The following LRRIQ1 variants were observed in gnomAD, a reference collection of about 807,000 sequenced individuals.
LRRIQ1 encodes the protein leucine-rich repeat- and IQ domain-containing protein 1.
LRRIQ1 carries 210 observed loss-of-function variants against 211.9 expected under a neutral mutation model. That is an observed-to-expected ratio of 0.99 (90% CI 0.89 to 1.11). LRRIQ1 has a LOEUF of 1.11. Among genes scored for constraint, LRRIQ1 ranks in the 50% most tolerant of loss-of-function variants. The pLI is 0.00. For synonymous variants in LRRIQ1, 699 were observed against 650.1 expected (o/e 1.08, Z -1.14); for missense variants, 2,136 against 1,939.5 (o/e 1.10, Z -1.90).
In LRRIQ1 at chr12:85,124,350, T is replaced by A; in HGVS notation, c.3838T>A (p.Ser1280Thr). The change falls in exon 17 of 27, where the codon TCC (serine) becomes ACC (threonine). Residue 1280 changes from serine to threonine, a missense_variant. Coordinates refer to ENST00000393217, the MANE Select transcript of LRRIQ1 (RefSeq NM_001079910.2). The stretch of plus-strand genomic sequence containing the variant: ...CTCCAGCCACTCCCCATTAAGCAAA[T>A]CCGCCACATGTGAAAATATGGAAGG... ...SVSSHSPLSKSATCENMEGRH... is the reference protein window; with the variant it reads ...SVSSHSPLSKTATCENMEGRH... 2 of 1,613,922 alleles carry A rather than the reference T, an allele frequency of 1.2e-6. No individual in the cohort carries two copies. Among genetic ancestry groups the A allele is most frequent in the Non-Finnish European group, 1.7e-6 (2 of 1,179,998 alleles).
At chr12:85,217,508 ATGTGTGTGTGTGTGTGTGTG>A (rs370971727) in intron 24 of LRRIQ1, among the ~76,000 whole-genome samples, 7 of 64,256 alleles carry the variant, frequency 1.1e-4, no homozygotes, top group African/African-American at 4.7e-4. Context: ...ATATATATAT[ATGTGTGTGTGTGTGTGTGTG>A]TGTGTGTGTG....
rs545665838 is a variant in LRRIQ1 at position 85,060,901 on chromosome 12, T to G, written c.2391+3717T>G. On this transcript the variant is annotated intron_variant, in intron 8 of 26. Coordinates refer to ENST00000393217, the MANE Select transcript of LRRIQ1 (RefSeq NM_001079910.2). ...TTAGGGAATTTTATCTACAATGGGC[T>G]GTAAAGGATTTGGGAAAATACAGAT... 2.4e-3 allele frequency among the ~76,000 whole-genome samples: 360 copies of G among 151,994 alleles called. 2 individuals carry two copies. Among genetic ancestry groups the G allele is most frequent in the African/African-American group, 8.0e-3 (333 of 41,530 alleles).
chr12:85,060,346 A>G (rs1370404024), intron 8 of LRRIQ1, among the ~76,000 whole-genome samples: 1 of 152,012 alleles, frequency 6.6e-6, no homozygotes, highest in Non-Finnish European at 1.5e-5. Flanking sequence ...ATTATGGGTA[A>G]TGAATATATT....
intron 24 of LRRIQ1, among the ~76,000 whole-genome samples, chr12:85,210,752 T>C (rs894099373): frequency 3.3e-5 from 5 of 149,972 alleles, no homozygotes; most frequent in African/African-American, 1.3e-4. Flanking sequence ...TACTGCCCTT[T>C]AGTTTCAGAC....
At chr12:85,266,361 G>A (rs1896419810), downstream of LRRIQ1, among the ~76,000 whole-genome samples, 1 of 152,076 alleles carries the variant, frequency 6.6e-6, no homozygotes. Context: ...AGAGCCAACA[G>A]CAGTCGCGTA....
At chr12:85,251,320 C>T (rs1895937212) in intron 1 of LRRIQ1, among the ~76,000 whole-genome samples, 2 of 151,522 alleles carry the variant, frequency 1.3e-5, no homozygotes, top group African/African-American at 4.8e-5. Flanking sequence ...CTGGCAATAG[C>T]CTATAAGATT....
At chr12:85,164,467 A>G (rs1891053608) in intron 24 of LRRIQ1, among the ~76,000 whole-genome samples, 1 of 152,204 alleles carries the variant, frequency 6.6e-6, no homozygotes, top group South Asian at 2.1e-4. Context: ...TATTTGTGAG[A>G]ATCTTGGAAC....
intron 8 of LRRIQ1, among the ~76,000 whole-genome samples, chr12:85,061,259 G>A (rs924263197): frequency 2.0e-5 from 3 of 151,642 alleles, no homozygotes; most frequent in Non-Finnish European, 4.4e-5. Flanking sequence ...TAATTTCGAA[G>A]CATAAAGTGG....
intron 24 of LRRIQ1, among the ~76,000 whole-genome samples, chr12:85,221,251 G>T (rs535375124): frequency 6.6e-6 from 1 of 152,146 alleles, no homozygotes; most frequent in East Asian, 1.9e-4. Context: ...GCACAGATTT[G>T]TCCACATGCT....
intron 24 of LRRIQ1, among the ~76,000 whole-genome samples, chr12:85,197,560 C>T (rs1356797219): frequency 6.6e-6 from 1 of 150,966 alleles, no homozygotes; most frequent in East Asian, 1.9e-4. Flanking sequence ...TCATCATTCT[C>T]AGTAAACTAT....
intron 24 of LRRIQ1, among the ~76,000 whole-genome samples, chr12:85,208,974 T>C (rs889503702): frequency 1.3e-5 from 2 of 152,154 alleles, no homozygotes; most frequent in Non-Finnish European, 2.9e-5. Context: ...TTTGAACACA[T>C]AGAGCACTCA....
chr12:85,157,246 G>A (rs1280171426), intron 23 of LRRIQ1, among the ~76,000 whole-genome samples: 1 of 151,830 alleles, frequency 6.6e-6, no homozygotes, highest in African/African-American at 2.4e-5. Context: ...TAGTATCGAT[G>A]ACTTCTATTG....
intron 8 of LRRIQ1, among the ~76,000 whole-genome samples, chr12:85,063,374 A>G (rs542042533): frequency 6.6e-6 from 1 of 151,870 alleles, no homozygotes; most frequent in South Asian, 2.1e-4. Context: ...ACAAAAGCTA[A>G]TGATTTTATT....
At chr12:85,055,044 G>A (rs1880815016) in intron 7 of LRRIQ1, among the ~76,000 whole-genome samples, 1 of 152,034 alleles carries the variant, frequency 6.6e-6, no homozygotes. Context: ...TGAGTAGGCT[G>A]GTTCTGTATA....
intron 24 of LRRIQ1, among the ~76,000 whole-genome samples, chr12:85,194,329 G>T (rs1892767480): frequency 8.8e-6 from 1 of 114,200 alleles, no homozygotes; most frequent in African/African-American, 3.5e-5. Flanking sequence ...AGACCTAATA[G>T]ACATCTACAG....
chr12:85,238,534 C>G (rs774339431), intron 26 of LRRIQ1, among the ~76,000 whole-genome samples: 8 of 151,558 alleles, frequency 5.3e-5, no homozygotes, highest in Non-Finnish European at 8.8e-5. Context: ...GGTTCACTAT[C>G]GATCACAAAT....
intron 6 of LRRIQ1, 56 bp downstream of exon 6, chr12:85,047,526 T>G: frequency 7.1e-7 from 1 of 1,407,602 alleles, no homozygotes; most frequent in Admixed American, 1.8e-5. Context: ...CTCTGAAGAA[T>G]ATTGATATTT....
intron 8 of LRRIQ1, among the ~76,000 whole-genome samples, chr12:85,063,900 G>T (rs2136046471): frequency 6.6e-6 from 1 of 151,866 alleles, no homozygotes; most frequent in South Asian, 2.1e-4. Flanking sequence ...GTGCTCCATG[G>T]TGTATATGTA....
At chr12:85,109,805 T>TTCTCCTGCCTCAGCCTCCCGGCTA (rs1887041494) in intron 15 of LRRIQ1, among the ~76,000 whole-genome samples, 1 of 152,122 alleles carries the variant, frequency 6.6e-6, no homozygotes, top group Non-Finnish European at 1.5e-5. Flanking sequence ...CCCTACCCCA[T>TTCTCCTGCCTCAGCCTCCCGGCTA]ACTGTGTGAT....
Sources: allele counts gnomAD v4.1 joint callset (sites outside exome capture counted in the v4.1 genomes callset), GRCh38; gene constraint gnomAD v4.1.1; transcripts MANE v1.5; gene names NCBI Gene and HGNC (gene_info 2026-07-23, HGNC 2026-07-21).